The following PPP2R2B variants were observed in gnomAD, a reference collection of about 807,000 sequenced individuals.
The protein encoded by PPP2R2B is protein phosphatase 2 regulatory subunit Bbeta.
PPP2R2B carries 5 observed loss-of-function variants against 46.0 expected under a neutral mutation model. That is an observed-to-expected ratio of 0.11 (90% CI 0.06 to 0.23). The LOEUF (loss-of-function observed/expected upper bound fraction) is 0.23, where lower values mean the gene tolerates loss of function less well. Among genes scored for constraint, PPP2R2B ranks in the 10% least tolerant of loss-of-function variants. The pLI is 1.00. For missense variants in PPP2R2B, 367 were observed against 575.0 expected (o/e 0.64, Z 3.70); for synonymous variants, 215 against 206.7 (o/e 1.04, Z -0.34).
chr5:146,631,424 G>A (rs892829680), intron 7 of PPP2R2B, among the ~76,000 whole-genome samples: 2 of 151,924 alleles, frequency 1.3e-5, no homozygotes, highest in African/African-American at 2.4e-5. Context: ...TTATCATTTC[G>A]CATGCTGCTT....
rs562224784 is a variant in PPP2R2B at position 146,668,201 on chromosome 5, C to G, written c.448-17477G>C. 5.9e-5 allele frequency among the ~76,000 whole-genome samples: 9 copies of G among 152,288 alleles called. No homozygotes were observed. The East Asian group carries it at 1.4e-3, about 23-fold the overall frequency. ...CTAAAGAAAACGATTAATTCTCTAG[C>G]TTCCTTCTTCAACCTGTCACTATTT... On this transcript the variant is annotated intron_variant, in intron 5 of 9. Transcript: ENST00000394411.
intron 1 of PPP2R2B, among the ~76,000 whole-genome samples, chr5:147,033,816 G>T (rs574577380): frequency 6.6e-6 from 1 of 151,994 alleles, no homozygotes; most frequent in South Asian, 2.1e-4. Flanking sequence ...CTCTGCTGTT[G>T]CATTAATCCA....
intron 2 of PPP2R2B, among the ~76,000 whole-genome samples, chr5:146,840,563 C>T (rs1759573438): frequency 6.6e-6 from 1 of 152,202 alleles, no homozygotes; most frequent in Admixed American, 6.5e-5. Flanking sequence ...CAGTTCCACA[C>T]ATCTAGACAC....
intron 4 of PPP2R2B, among the ~76,000 whole-genome samples, chr5:146,696,214 C>T (rs1779170349): frequency 1.3e-5 from 2 of 151,942 alleles, no homozygotes; most frequent in African/African-American, 4.8e-5. Flanking sequence ...CGCCATTATC[C>T]GGCCTCAGCC....
intron 5 of PPP2R2B, among the ~76,000 whole-genome samples, chr5:146,659,251 A>G (rs1776536265): frequency 1.3e-5 from 2 of 152,232 alleles, no homozygotes; most frequent in South Asian, 4.1e-4. Context: ...GCCAATGTTT[A>G]AAATACTTTG....
At chr5:147,065,777 GT>G (rs1745569220) in intron 2 of PPP2R2B, among the ~76,000 whole-genome samples, 1 of 152,138 alleles carries the variant, frequency 6.6e-6, no homozygotes, top group African/African-American at 2.4e-5. Flanking sequence ...ATTCTTGGGT[GT>G]TTGGGAGGGC....
chr5:146,964,275 A>G (rs1752308159), intron 1 of PPP2R2B, among the ~76,000 whole-genome samples: 1 of 152,226 alleles, frequency 6.6e-6, no homozygotes, highest in Admixed American at 6.5e-5. Flanking sequence ...TCTGACAGTC[A>G]AAGAAAAAAA....
chr5:147,035,587 T>C (rs1293252958), intron 1 of PPP2R2B, among the ~76,000 whole-genome samples: 1 of 152,196 alleles, frequency 6.6e-6, no homozygotes, highest in African/African-American at 2.4e-5. Flanking sequence ...CCATTTAATC[T>C]TGGGGCTTAG....
intron 1 of PPP2R2B, among the ~76,000 whole-genome samples, chr5:147,016,300 A>T (rs893019387): frequency 2.0e-5 from 3 of 150,862 alleles, no homozygotes; most frequent in African/African-American, 7.3e-5. Flanking sequence ...GCACCACTGC[A>T]CTCCTGCCTA....
At position 146,669,670 on chromosome 5, in the gene PPP2R2B, GT is replaced by G. The variant is rs1426247508; in HGVS notation, c.448-18947del. On this transcript the variant is annotated intron_variant, in intron 5 of 9. Coordinates refer to ENST00000394411, the MANE Select transcript of PPP2R2B (RefSeq NM_181675.4). Reference sequence around the variant, plus strand: ...AATGACCCTTTAAAAAGTGCTTACTGTCCCCTGTATGCTTTACATACGTTAC... The same window carrying G: ...AATGACCCTTTAAAAAGTGCTTACTGCCCCTGTATGCTTTACATACGTTAC... 1.1e-4 allele frequency among the ~76,000 whole-genome samples: 17 copies of G among 152,196 alleles called. No homozygotes were observed. In the South Asian group the frequency reaches 3.3e-3, roughly 30 times the overall value.
intron 1 of PPP2R2B, among the ~76,000 whole-genome samples, chr5:147,045,813 C>T (rs1454235561): frequency 6.6e-6 from 1 of 152,084 alleles, no homozygotes; most frequent in Non-Finnish European, 1.5e-5. Context: ...ATTGGCTTTC[C>T]CTCAGAATCT....
rs1467893813 is a variant in PPP2R2B at position 146,707,052 on chromosome 5, T to A, written c.71-5910A>T. On this transcript the variant is annotated intron_variant, in intron 2 of 9. Transcript: ENST00000394411. ...TGAGGACAAATTCATTCTCCGTCTC[T>A]GTACTCTTATTGATCTCATCCTCAT... The A allele has an allele frequency of 4.4e-6, 5 of 1,129,322 alleles. No homozygotes were observed. The South Asian group carries it at 6.1e-5, about 14-fold the overall frequency. The allele number at this position is 1,129,322 out of a possible 1,614,324, so 70.0% of individuals were successfully genotyped here. A position where few individuals can be genotyped will look rare whatever the true frequency, so the allele number is the denominator to read the frequency against.
intron 2 of PPP2R2B, among the ~76,000 whole-genome samples, chr5:146,761,348 G>C (rs968890780): frequency 1.3e-5 from 2 of 152,178 alleles, no homozygotes; most frequent in African/African-American, 4.8e-5. Flanking sequence ...AAAATGATGA[G>C]TTCATGTCCT....
chr5:146,911,381 C>G (rs1248394361), intron 1 of PPP2R2B, among the ~76,000 whole-genome samples: 1 of 152,158 alleles, frequency 6.6e-6, no homozygotes, highest in East Asian at 1.9e-4. Context: ...GGTGGCCAGC[C>G]TCTTGACTTT....
chr5:146,883,165 A>G (rs575824344), upstream of PPP2R2B, among the ~76,000 whole-genome samples: 245 of 152,326 alleles, frequency 1.6e-3, no homozygotes, highest in African/African-American at 5.8e-3. Context: ...GCATTTATAA[A>G]TTTCATGACC....
At chr5:146,782,930 G>T (rs1055946043) in intron 2 of PPP2R2B, among the ~76,000 whole-genome samples, 1 of 151,956 alleles carries the variant, frequency 6.6e-6, no homozygotes, top group South Asian at 2.1e-4. Flanking sequence ...TAGAAATGTG[G>T]ATACAAAAGT....
intron 2 of PPP2R2B, among the ~76,000 whole-genome samples, chr5:146,769,192 C>T (rs780063052): frequency 6.6e-6 from 1 of 152,124 alleles, no homozygotes; most frequent in African/African-American, 2.4e-5. Context: ...AAAGCACAGC[C>T]TTCTCCCTTG....
chr5:146,702,615 T>C (rs1168305713), intron 2 of PPP2R2B, among the ~76,000 whole-genome samples: 6 of 152,222 alleles, frequency 3.9e-5, no homozygotes, highest in African/African-American at 1.2e-4. Flanking sequence ...TTTAAATATA[T>C]ATAGGAAGCT....
At chr5:146,878,848 GC>G (rs1762064970), upstream of PPP2R2B, 1 of 1,215,992 alleles carries the variant, frequency 8.2e-7, no homozygotes, top group Admixed American at 2.8e-5. This position sits in a 1 kb window ranked among gnomAD's most constrained non-coding sequence, Gnocchi z 4.5. Context: ...AGCAGTGGTG[GC>G]CGAGGCAGAG....
Sources: gnomAD v4.1 joint callset for allele counts (sites outside exome capture counted in the v4.1 genomes callset) on GRCh38, gnomAD v4.1.1 for gene constraint, Gnocchi (gnomAD v3.1) non-coding constraint, MANE v1.5 for transcripts, NCBI Gene and HGNC (gene_info 2026-07-23, HGNC 2026-07-21) for gene names.